PRKCH: variants seen among roughly 807,000 people sequenced by gnomAD.
PRKCH encodes protein kinase C eta.
Under a neutral mutation model 82.5 loss-of-function variants are expected in PRKCH, and 28 were observed. That is an observed-to-expected ratio of 0.34 (90% CI 0.25 to 0.47). The LOEUF (loss-of-function observed/expected upper bound fraction) is 0.47, where lower values mean the gene tolerates loss of function less well. PRKCH is among the 20% of genes least tolerant of loss of function. The probability of loss-of-function intolerance (pLI) is 1.00; values close to 1 mark genes in which losing one functional copy is unlikely to be tolerated. For synonymous variants in PRKCH, 322 were observed against 327.4 expected, an observed-to-expected ratio of 0.98 and a Z score of 0.18; for missense variants, 705 against 881.8, an observed-to-expected ratio of 0.80 and a Z score of 2.54.
intron 12 of PRKCH, among the ~76,000 whole-genome samples, chr14:61,539,092 G>C (rs1358889954): frequency 6.6e-6 from 1 of 152,292 alleles, no homozygotes; most frequent in East Asian, 1.9e-4. Context: ...CTTGAGACTG[G>C]TTTGTCAGGA....
intron 1 of PRKCH, among the ~76,000 whole-genome samples, chr14:61,263,974 T>C (rs1033171112): frequency 6.6e-6 from 1 of 151,886 alleles, no homozygotes. Flanking sequence ...TAATCTCATA[T>C]GCCAAAAGGG....
At chr14:61,374,240 A>C (rs2046401432) in intron 1 of PRKCH, among the ~76,000 whole-genome samples, 1 of 152,026 alleles carries the variant, frequency 6.6e-6, no homozygotes, top group African/African-American at 2.4e-5. Context: ...GGGCAGTTCT[A>C]CTCTGTGCCT....
chr14:61,455,958 A>C (rs900669855), intron 7 of PRKCH, among the ~76,000 whole-genome samples: 1 of 152,156 alleles, frequency 6.6e-6, no homozygotes, highest in Non-Finnish European at 1.5e-5. Flanking sequence ...GAGAGTGTAG[A>C]TTGGTCAGTC....
intron 1 of PRKCH, among the ~76,000 whole-genome samples, chr14:61,333,613 T>A (rs1055177458): frequency 6.6e-6 from 1 of 152,052 alleles, no homozygotes; most frequent in Non-Finnish European, 1.5e-5. Flanking sequence ...TGATGACCCA[T>A]TTTAGGACCT....
At chr14:61,369,471 G>A (rs76874814) in intron 1 of PRKCH, among the ~76,000 whole-genome samples, 1,578 of 152,096 alleles carry the variant, frequency 0.01, 42 homozygotes, top group African/African-American at 0.036. Flanking sequence ...GCTTTGCTTC[G>A]CGTCAGAAAT....
intron 5 of PRKCH, 108 bp downstream of exon 5, chr14:61,449,360 C>A: frequency 1.1e-6 from 1 of 940,954 alleles, no homozygotes; most frequent in Non-Finnish European, 1.7e-6. Flanking sequence ...TTTCCTTCTC[C>A]CCGTCCCCAA....
chr14:61,336,306 G>C (rs1254338307), intron 1 of PRKCH, among the ~76,000 whole-genome samples: 3 of 152,218 alleles, frequency 2.0e-5, no homozygotes, highest in Admixed American at 1.3e-4. Flanking sequence ...ATCAGTAGGA[G>C]ATTTCTAGTT....
chr14:61,397,792 T>C (rs958334370), intron 2 of PRKCH, among the ~76,000 whole-genome samples: 1 of 152,172 alleles, frequency 6.6e-6, no homozygotes, highest in Non-Finnish European at 1.5e-5. Flanking sequence ...GTGGTAACAG[T>C]GGTTTCTTCA....
chr14:61,419,633 C>T (rs111569982), intron 2 of PRKCH, among the ~76,000 whole-genome samples: 33 of 152,146 alleles, frequency 2.2e-4, no homozygotes, highest in Non-Finnish European at 4.4e-4. Flanking sequence ...GCCCAGGGTC[C>T]CTGACTGTTA....
Position 61,251,808 on chromosome 14 carries a change from C to T in PRKCH, c.-19+64140C>T, listed in dbSNP as rs1441138278. On this transcript the variant is annotated intron_variant, in intron 1 of 3. Coordinates refer to the PRKCH transcript ENST00000555185. ...TCTGTAAAGTGGTCGTACTAATTAA[C>T]ATTCCCAACAAAACTGTATAAGGGT... Among the ~76,000 whole-genome samples, 5 of 152,014 alleles carry T rather than the reference C, an allele frequency of 3.3e-5. No individual in the cohort carries two copies. In the East Asian group the frequency reaches 9.6e-4, roughly 29 times the overall value.
At chr14:61,241,996 A>G (rs2044843451) in intron 1 of PRKCH, among the ~76,000 whole-genome samples, 1 of 152,230 alleles carries the variant, frequency 6.6e-6, no homozygotes, top group East Asian at 1.9e-4. Context: ...TTACAAAAGA[A>G]CTAAGAATTG....
intron 1 of PRKCH, among the ~76,000 whole-genome samples, chr14:61,227,595 AAAATAGAT>A (rs1046643060): frequency 1.4e-5 from 2 of 145,260 alleles, no homozygotes; most frequent in Admixed American, 1.4e-4. Context: ...TCTGTCTCAA[AAAATAGAT>A]AAATAAATAA....
chr14:61,548,150 G>A (rs1272127479), intron 13 of PRKCH, among the ~76,000 whole-genome samples: 3 of 152,342 alleles, frequency 2.0e-5, no homozygotes, highest in South Asian at 2.1e-4. Flanking sequence ...TTAAAATCTT[G>A]TAGGGTATAA....
upstream of PRKCH, among the ~76,000 whole-genome samples, chr14:61,318,793 A>G (rs559698419): frequency 1.3e-5 from 2 of 151,910 alleles, no homozygotes; most frequent in East Asian, 3.9e-4. Context: ...CCCGAGAGAG[A>G]TATTTTATTT....
intron 5 of PRKCH, among the ~76,000 whole-genome samples, chr14:61,450,182 A>G (rs1188640741): frequency 1.3e-5 from 2 of 152,166 alleles, no homozygotes; most frequent in African/African-American, 2.4e-5. Context: ...AGGAGTAATG[A>G]TTGCCCTACT....
chr14:61,490,277 C>T (rs1886399856), intron 10 of PRKCH, among the ~76,000 whole-genome samples: 1 of 152,204 alleles, frequency 6.6e-6, no homozygotes, highest in Non-Finnish European at 1.5e-5. Flanking sequence ...GATTACGTGG[C>T]ACATGAACTT....
intron 1 of PRKCH, among the ~76,000 whole-genome samples, chr14:61,218,924 C>T (rs962051864): frequency 1.3e-5 from 2 of 152,200 alleles, no homozygotes; most frequent in African/African-American, 4.8e-5. Context: ...CCCGACTGCC[C>T]TCCTTCGAAA....
At chr14:61,452,201 C>T (rs780039423) in intron 6 of PRKCH, among the ~76,000 whole-genome samples, 3 of 152,108 alleles carry the variant, frequency 2.0e-5, no homozygotes, top group Non-Finnish European at 4.4e-5. Flanking sequence ...TCTGTAGGCT[C>T]GTGTGTCTTA....
chr14:61,528,623 T>C (rs1477656885), intron 10 of PRKCH, among the ~76,000 whole-genome samples: 1 of 152,172 alleles, frequency 6.6e-6, no homozygotes, highest in African/African-American at 2.4e-5. Flanking sequence ...TCCTTGCAGA[T>C]GAAGATCAGC....
Sources: gnomAD v4.1 joint callset for allele counts (sites outside exome capture counted in the v4.1 genomes callset) on GRCh38, gnomAD v4.1.1 for gene constraint, MANE v1.5 for transcripts, NCBI Gene and HGNC (gene_info 2026-07-23, HGNC 2026-07-21) for gene names.